FHOD3: variants seen among roughly 807,000 people sequenced by gnomAD.
FHOD3 encodes the protein formin homology 2 domain containing 3, also known as FH1/FH2 domain-containing protein 3.
Under a neutral mutation model 173.0 loss-of-function variants are expected in FHOD3, and 90 were observed. The observed-to-expected ratio is 0.52, with a 90% CI of 0.44 to 0.62. The LOEUF (loss-of-function observed/expected upper bound fraction) is 0.62. Ranked by LOEUF, FHOD3 falls within the 20% of genes least tolerant of loss-of-function variation. The pLI, the probability that FHOD3 is intolerant of heterozygous loss-of-function variation, is 0.00. For missense variants in FHOD3, 1,945 were observed against 2,034.7 expected (o/e 0.96, Z 0.85); for synonymous variants, 828 against 823.0 (o/e 1.01, Z -0.10).
At chr18:36,576,414 C>T (rs376312133) in intron 5 of FHOD3, 37 bp from the exon 6 acceptor site, 74 of 1,429,142 alleles carry the variant, frequency 5.2e-5, no homozygotes, top group Non-Finnish European at 6.7e-5. Flanking sequence ...TTTCTATATA[C>T]ATCTATAATG....
chr18:36,306,494 T>C (rs2092101777), intron 1 of FHOD3, among the ~76,000 whole-genome samples: 1 of 152,162 alleles, frequency 6.6e-6, no homozygotes, highest in Admixed American at 6.5e-5. Context: ...TTCAGTGATC[T>C]TAACATAGAG....
intron 27 of FHOD3, among the ~76,000 whole-genome samples, chr18:36,761,622 C>T (rs1452214610): frequency 2.0e-5 from 3 of 152,142 alleles, no homozygotes; most frequent in African/African-American, 7.2e-5. Flanking sequence ...TTCAGGATGC[C>T]CGCTCCTCTG....
At chr18:36,653,062 C>A in intron 12 of FHOD3, 133 bp downstream of exon 12, 1 of 1,258,962 alleles carries the variant, frequency 7.9e-7, no homozygotes, top group Non-Finnish European at 1.1e-6. Context: ...GCAGTTGTGG[C>A]ATAAACTTAA....
chr18:36,383,456 A>C (rs1478174333), intron 3 of FHOD3, among the ~76,000 whole-genome samples: 1 of 152,112 alleles, frequency 6.6e-6, no homozygotes, highest in Non-Finnish European at 1.5e-5. Context: ...CATTATCCTT[A>C]CTTTACAGGA....
chr18:36,475,214 A>T (rs1239031398), intron 3 of FHOD3, among the ~76,000 whole-genome samples: 2 of 152,064 alleles, frequency 1.3e-5, no homozygotes, highest in Non-Finnish European at 2.9e-5. Context: ...GTCAGCCCAG[A>T]TGTGGCTTTT....
intron 1 of FHOD3, among the ~76,000 whole-genome samples, chr18:36,350,377 G>C (rs2046066910): frequency 6.6e-6 from 1 of 152,174 alleles, no homozygotes; most frequent in African/African-American, 2.4e-5. Context: ...AAGTCTTCCT[G>C]TTGCACCGCT....
intron 5 of FHOD3, among the ~76,000 whole-genome samples, chr18:36,537,545 T>G (rs141062899): frequency 1.3e-5 from 2 of 152,092 alleles, no homozygotes; most frequent in Admixed American, 6.6e-5. Context: ...GAAAGCCAAG[T>G]AGGCACTGAG....
At chr18:36,694,974 T>TGG (rs1464420053) in intron 17 of FHOD3, among the ~76,000 whole-genome samples, 1 of 119,430 alleles carries the variant, frequency 8.4e-6, no homozygotes, top group African/African-American at 3.2e-5. Flanking sequence ...CATGTATACG[T>TGG]GGGTGTGTGT....
chr18:36,724,597 C>G (rs552776470), intron 19 of FHOD3, among the ~76,000 whole-genome samples: 3 of 152,200 alleles, frequency 2.0e-5, no homozygotes, highest in Admixed American at 6.5e-5. Flanking sequence ...CCTTAATGAC[C>G]GCCCTCCTGC....
At chr18:36,734,194 C>T (rs1046531022) in intron 20 of FHOD3, among the ~76,000 whole-genome samples, 5 of 152,158 alleles carry the variant, frequency 3.3e-5, no homozygotes, top group African/African-American at 9.7e-5. Context: ...CGTGAGTCCT[C>T]AGTAAATTCA....
intron 1 of FHOD3, among the ~76,000 whole-genome samples, chr18:36,306,908 A>G (rs985267258): frequency 6.6e-6 from 1 of 152,140 alleles, no homozygotes; most frequent in African/African-American, 2.4e-5. Context: ...TTCTTCATGT[A>G]TCATAGTGAC....
In FHOD3 at chr18:36,684,587, T is replaced by A. The variant is rs372405835; in HGVS notation, c.1971-2541T>A. ...AATTTGTCAGATGGGCCAAATAGAA[T>A]TGCTATGAGAGAAGAAAGTGAACTC... On this transcript the variant is annotated intron_variant, in intron 15 of 28. Transcript: ENST00000590592. Among the ~76,000 whole-genome samples the A allele has an allele frequency of 2.6e-5, 4 of 152,176 alleles. No individual in the cohort carries two copies. The East Asian group carries it at 7.7e-4, about 29-fold the overall frequency.
At chr18:36,503,101 C>G (rs1279006655) in intron 4 of FHOD3, among the ~76,000 whole-genome samples, 3 of 152,096 alleles carry the variant, frequency 2.0e-5, no homozygotes, top group African/African-American at 2.4e-5. Flanking sequence ...ATCGTTGCCT[C>G]CTAAACCTTC....
chr18:36,749,968 T>G (rs1426903129), intron 24 of FHOD3, among the ~76,000 whole-genome samples: 1 of 152,140 alleles, frequency 6.6e-6, no homozygotes, highest in African/African-American at 2.4e-5. Flanking sequence ...ATATTCTTGT[T>G]GGTCACATGT....
At chr18:36,671,511 T>A (rs2037533727) in intron 14 of FHOD3, among the ~76,000 whole-genome samples, 1 of 152,256 alleles carries the variant, frequency 6.6e-6, no homozygotes, top group South Asian at 2.1e-4. Context: ...AGAGCTTTCC[T>A]TTTTTCACCA....
chr18:36,544,763 A>T (rs1471741555), intron 5 of FHOD3: 1 of 152,342 alleles, frequency 6.6e-6, no homozygotes, highest in Admixed American at 6.5e-5. Context: ...GCTCAGGGAC[A>T]TCTCCTCCTC....
intron 1 of FHOD3, among the ~76,000 whole-genome samples, chr18:36,306,046 G>T (rs1417532159): frequency 6.6e-6 from 1 of 152,144 alleles, no homozygotes; most frequent in Non-Finnish European, 1.5e-5. Context: ...ATTGTTAAGG[G>T]TGCTACACCC....
chr18:36,742,926 G>A lies in FHOD3; in HGVS notation c.3879+70G>A. ...AAATCCCTGCCCAGCAATTGCTGAT[G>A]AAGGTTGTACCTCAGGTTCCCCAAA... On this transcript the variant is annotated intron_variant, in intron 22 of 28. Transcript: ENST00000590592. 3 of 1,558,008 alleles carry A rather than the reference G, an allele frequency of 1.9e-6. No homozygotes were observed. In the South Asian group the frequency reaches 3.7e-5, roughly 19 times the overall value.
intron 3 of FHOD3, among the ~76,000 whole-genome samples, chr18:36,399,188 T>C (rs2048689183): frequency 6.6e-6 from 1 of 152,178 alleles, no homozygotes; most frequent in Admixed American, 6.5e-5. Flanking sequence ...CTGGAAGGTG[T>C]AGCTCAGGTG....
Sources: gnomAD v4.1 joint callset for allele counts (sites outside exome capture counted in the v4.1 genomes callset) on GRCh38, gnomAD v4.1.1 for gene constraint, MANE v1.5 for transcripts, NCBI Gene and HGNC (gene_info 2026-07-23, HGNC 2026-07-21) for gene names.